Variants in LRP1B observed in about 807,000 individuals in gnomAD.
The protein encoded by LRP1B is low-density lipoprotein receptor-related protein 1B.
Under a neutral mutation model 556.6 loss-of-function variants are expected in LRP1B, and 217 were observed. The ratio of observed to expected loss-of-function variants is 0.39; its 90% confidence interval spans 0.35 to 0.44. The LOEUF (loss-of-function observed/expected upper bound fraction) is 0.44. Ranked by LOEUF, LRP1B falls within the 20% of genes least tolerant of loss-of-function variation. The pLI is 1.00. For synonymous variants in LRP1B, 2,047 were observed against 1,865.8 expected (o/e 1.10, Z -2.50); for missense variants, 5,053 against 5,620.8 (o/e 0.90, Z 3.23).
chr2:141,515,296 C>T lies in LRP1B; in HGVS notation c.206-34763G>A, dbSNP rs1359476557. On this transcript the variant is annotated intron_variant, in intron 2 of 90. Transcript: ENST00000389484. ...CAGCCTGGGCAACAAGAGTGGAACT[C>T]CGTCAAAAGAAAAAAAAAAAAGAAG... Among the ~76,000 whole-genome samples the T allele has an allele frequency of 4.2e-4, 62 of 148,264 alleles. 1 individual carries two copies. Among genetic ancestry groups the T allele is most frequent in the Admixed American group, 8.7e-4 (13 of 14,866 alleles).
chr2:140,707,333 C>A (rs566420265), intron 37 of LRP1B, among the ~76,000 whole-genome samples: 2 of 152,030 alleles, frequency 1.3e-5, no homozygotes, highest in African/African-American at 4.8e-5. Flanking sequence ...AGAAAAGAAT[C>A]GAGAATGTCA....
intron 17 of LRP1B, among the ~76,000 whole-genome samples, chr2:140,986,341 C>G (rs976070186): frequency 6.6e-6 from 1 of 151,986 alleles, no homozygotes; most frequent in African/African-American, 2.4e-5. Context: ...TCTCTCTCTT[C>G]GTGCACAGGT....
intron 3 of LRP1B, among the ~76,000 whole-genome samples, chr2:141,331,065 T>C (rs3107479): frequency 0.57 from 86,428 of 151,950 alleles, 25,673 homozygotes; most frequent in African/African-American, 0.7. Flanking sequence ...AAGTTCAGGG[T>C]TCTACCTAAC....
chr2:141,096,681 A>AGAGG (rs1700328961), intron 7 of LRP1B, among the ~76,000 whole-genome samples: 3 of 130,514 alleles, frequency 2.3e-5, no homozygotes, highest in African/African-American at 5.4e-5. Flanking sequence ...AGAGAGAGAG[A>AGAGG]GAGAGAGAGA....
chr2:140,595,372 T>A lies in LRP1B; in HGVS notation c.7194+3259A>T, dbSNP rs190901022. 4.6e-3 allele frequency among the ~76,000 whole-genome samples: 697 copies of A among 151,940 alleles called. 10 individuals are homozygous for A. Among genetic ancestry groups the A allele is most frequent in the African/African-American group, 0.016 (646 of 41,498 alleles). On this transcript the variant is annotated intron_variant, in intron 43 of 90. Transcript: ENST00000389484. ...ATCTAGGTACAAGCACACTAAATGA[T>A]AGTGCTGTTTATAAAGGTCCCATTT...
intron 2 of LRP1B, among the ~76,000 whole-genome samples, chr2:141,666,891 A>G (rs1178946851): frequency 6.6e-6 from 1 of 152,206 alleles, no homozygotes; most frequent in Non-Finnish European, 1.5e-5. Flanking sequence ...TTCATTAAAC[A>G]CAAGAGCATT....
intron 43 of LRP1B, among the ~76,000 whole-genome samples, chr2:140,582,069 C>T (rs936793012): frequency 2.6e-5 from 4 of 152,102 alleles, no homozygotes; most frequent in Non-Finnish European, 5.9e-5. Context: ...GGTGAGAGAA[C>T]ATGGTCGTGA....
At chr2:140,615,215 C>T (rs1338971060) in intron 41 of LRP1B, among the ~76,000 whole-genome samples, 1 of 152,034 alleles carries the variant, frequency 6.6e-6, no homozygotes, top group African/African-American at 2.4e-5. Flanking sequence ...GACTGGTAAC[C>T]CATACCAAGA....
At chr2:141,420,651 G>A (rs971680597) in intron 3 of LRP1B, among the ~76,000 whole-genome samples, 4 of 152,134 alleles carry the variant, frequency 2.6e-5, no homozygotes, top group African/African-American at 4.8e-5. Flanking sequence ...CACTTGCACA[G>A]CCCTCTAAGA....
chr2:141,349,106 A>G (rs989368288), intron 3 of LRP1B, among the ~76,000 whole-genome samples: 4 of 152,066 alleles, frequency 2.6e-5, no homozygotes, highest in African/African-American at 9.7e-5. Context: ...TAATACATCT[A>G]TTGTAAGTAA....
chr2:141,852,430 A>AT (rs1262418026), intron 1 of LRP1B, among the ~76,000 whole-genome samples: 1 of 151,832 alleles, frequency 6.6e-6, no homozygotes, highest in Non-Finnish European at 1.5e-5. Flanking sequence ...GGCTTCTAAA[A>AT]TATGTGTTCA....
intron 28 of LRP1B, among the ~76,000 whole-genome samples, chr2:140,850,674 T>C (rs943393689): frequency 2.6e-5 from 4 of 152,190 alleles, no homozygotes; most frequent in Non-Finnish European, 5.9e-5. Context: ...TACTACAATA[T>C]TGTATTGCAT....
intron 1 of LRP1B, among the ~76,000 whole-genome samples, chr2:142,094,533 T>C (rs77132429): frequency 6.6e-6 from 1 of 152,008 alleles, no homozygotes; most frequent in Non-Finnish European, 1.5e-5. Flanking sequence ...GAATCAGTTC[T>C]ATAAACATAG....
intron 41 of LRP1B, among the ~76,000 whole-genome samples, chr2:140,696,898 T>C (rs1686448742): frequency 6.6e-6 from 1 of 152,176 alleles, no homozygotes; most frequent in Non-Finnish European, 1.5e-5. Flanking sequence ...TCCACAAATG[T>C]GTCACAAATA....
At chr2:141,503,198 TA>T (rs1322382804) in intron 2 of LRP1B, among the ~76,000 whole-genome samples, 1 of 148,112 alleles carries the variant, frequency 6.8e-6, no homozygotes, top group African/African-American at 2.4e-5. Context: ...AACATGAATT[TA>T]CTTTATTATG....
At chr2:141,878,808 G>T (rs910814406) in intron 1 of LRP1B, among the ~76,000 whole-genome samples, 1 of 151,644 alleles carries the variant, frequency 6.6e-6, no homozygotes, top group Non-Finnish European at 1.5e-5. Context: ...CAATCTATTT[G>T]GAATTTTTTT....
intron 6 of LRP1B, among the ~76,000 whole-genome samples, chr2:141,216,542 C>T (rs887299857): frequency 6.6e-5 from 10 of 152,072 alleles, no homozygotes; most frequent in African/African-American, 2.2e-4. Context: ...CTTCATACCC[C>T]AGAATGAGAG....
intron 1 of LRP1B, among the ~76,000 whole-genome samples, chr2:142,017,865 A>G (rs1161982200): frequency 1.3e-5 from 2 of 152,024 alleles, no homozygotes; most frequent in South Asian, 2.1e-4. Context: ...TGGGCAACAG[A>G]GCGAGACCTT....
chr2:140,538,609 T>C (rs558855234), intron 45 of LRP1B, among the ~76,000 whole-genome samples: 1 of 152,254 alleles, frequency 6.6e-6, no homozygotes, highest in East Asian at 1.9e-4. Flanking sequence ...GTTCAGTCAT[T>C]AGCTAAGGCA....
Sources: gnomAD v4.1 joint callset for allele counts (sites outside exome capture counted in the v4.1 genomes callset) on GRCh38, gnomAD v4.1.1 for gene constraint, MANE v1.5 for transcripts, NCBI Gene and HGNC (gene_info 2026-07-23, HGNC 2026-07-21) for gene names.